Variants in FSIP1 observed in about 807,000 individuals in gnomAD.
FSIP1 encodes fibrous sheath interacting protein 1.
Under a neutral mutation model 60.9 loss-of-function variants are expected in FSIP1, and 65 were observed. The ratio of observed to expected loss-of-function variants is 1.07; its 90% CI spans 0.87 to 1.31. The LOEUF (loss-of-function observed/expected upper bound fraction) is 1.31. Among genes scored for constraint, FSIP1 ranks in the 40% most tolerant of loss-of-function variants. FSIP1 has a pLI of 0.00. For synonymous variants in FSIP1, 209 were observed against 221.2 expected, an observed-to-expected ratio of 0.94 and a Z score of 0.49; for missense variants, 675 against 665.5, an observed-to-expected ratio of 1.01 and a Z score of -0.16.
intron 5 of FSIP1, among the ~76,000 whole-genome samples, chr15:39,742,909 T>C (rs1319708010): frequency 6.6e-6 from 1 of 152,204 alleles, no homozygotes; most frequent in East Asian, 1.9e-4. Context: ...GGTGTAAGCC[T>C]GGGGAGAGAG....
intron 4 of FSIP1, 137 bp downstream of exon 4, chr15:39,765,455 G>T: frequency 1.8e-6 from 1 of 551,454 alleles, no homozygotes; most frequent in Non-Finnish European, 3.1e-6. Context: ...TGTTGTCCAG[G>T]CTGGTCTCAA....
intron 5 of FSIP1, among the ~76,000 whole-genome samples, chr15:39,745,774 T>C (rs1013738145): frequency 6.6e-6 from 1 of 152,178 alleles, no homozygotes; most frequent in Non-Finnish European, 1.5e-5. Context: ...GGAATCCATT[T>C]TTTTTTCATC....
chr15:39,619,129 A>T (rs1203891739), intron 10 of FSIP1, among the ~76,000 whole-genome samples: 1 of 152,194 alleles, frequency 6.6e-6, no homozygotes, highest in Non-Finnish European at 1.5e-5. Flanking sequence ...AAATAATGTT[A>T]TTGGCCTACT....
chr15:39,687,881 A>G (rs1191276321), intron 10 of FSIP1, among the ~76,000 whole-genome samples: 2 of 152,218 alleles, frequency 1.3e-5, no homozygotes, highest in Non-Finnish European at 2.9e-5. Context: ...CATCTATATG[A>G]GCATTTTTCC....
intron 10 of FSIP1, among the ~76,000 whole-genome samples, chr15:39,712,584 G>A (rs915766342): frequency 6.6e-6 from 1 of 152,134 alleles, no homozygotes; most frequent in African/African-American, 2.4e-5. Context: ...AATTTAGTAG[G>A]AGACCAAAAG....
At chr15:39,611,577 G>C (rs1415722455) in intron 11 of FSIP1, among the ~76,000 whole-genome samples, 1 of 152,198 alleles carries the variant, frequency 6.6e-6, no homozygotes, top group Admixed American at 6.5e-5. Flanking sequence ...ACAAAGGAAA[G>C]TAGCAAGAGA....
chr15:39,705,709 A>G lies in FSIP1; in HGVS notation c.1188+7735T>C, dbSNP rs115615144. Among the ~76,000 whole-genome samples, 1,193 of 150,132 alleles carry G rather than the reference A, an allele frequency of 7.9e-3. 19 individuals are homozygous for G. Among genetic ancestry groups the G allele is most frequent in the African/African-American group, 0.028 (1,148 of 41,444 alleles). On this transcript the variant is annotated intron_variant, in intron 10 of 11. Transcript: ENST00000350221. ...TATCATATATTTTCAATTAAAAGTC[A>G]TATATTAATCAGGTGCAGTGGCTCA... is the stretch of plus-strand genomic sequence containing the variant.
At chr15:39,656,429 G>T (rs1178258591) in intron 10 of FSIP1, among the ~76,000 whole-genome samples, 1 of 152,090 alleles carries the variant, frequency 6.6e-6, no homozygotes, top group Non-Finnish European at 1.5e-5. Flanking sequence ...CCTCTTTCTG[G>T]CTTTTCGACA....
At chr15:39,677,133 T>C (rs1893975794) in intron 10 of FSIP1, among the ~76,000 whole-genome samples, 4 of 152,196 alleles carry the variant, frequency 2.6e-5, no homozygotes, top group African/African-American at 9.7e-5. Flanking sequence ...GATATCGAAA[T>C]GAATTAGGTT....
rs575921876 is a variant in FSIP1 at position 39,781,795 on chromosome 15, T to C, written c.-8+833A>G. Among the ~76,000 whole-genome samples the C allele has an allele frequency of 3.3e-5, 5 of 152,354 alleles. No individual in the cohort carries two copies. The East Asian group carries it at 9.6e-4, about 29-fold the overall frequency. ...ACAGGAACAAAAAACTAGGAAGTTGTTGCCAGGGATGGCGTTAGGGGAGGG... is the reference window on the plus strand; with the variant it reads ...ACAGGAACAAAAAACTAGGAAGTTGCTGCCAGGGATGGCGTTAGGGGAGGG... On this transcript the variant is annotated intron_variant, in intron 1 of 11. Transcript: ENST00000350221.
At chr15:39,672,392 G>A (rs1358478592) in intron 10 of FSIP1, among the ~76,000 whole-genome samples, 1 of 152,214 alleles carries the variant, frequency 6.6e-6, no homozygotes, top group Non-Finnish European at 1.5e-5. Flanking sequence ...GGGCTTGGCT[G>A]TGAGCAACAC....
At chr15:39,663,446 C>T (rs745606047) in intron 10 of FSIP1, among the ~76,000 whole-genome samples, 11 of 152,090 alleles carry the variant, frequency 7.2e-5, no homozygotes, top group Admixed American at 2.6e-4. Context: ...TTCAAATCTA[C>T]GGTAAATATA....
Position 39,763,885 on chromosome 15 carries a change from A to C in FSIP1, c.495T>G (p.Ser165Arg). 1 of 1,599,312 alleles carries C rather than the reference A, an allele frequency of 6.3e-7. No individual in the cohort carries two copies. Among genetic ancestry groups the C allele is most frequent in the Non-Finnish European group, 8.6e-7 (1 of 1,167,328 alleles). The change falls in exon 5 of 12, where the codon AGT becomes AGG. Residue 165 changes from serine (S) to arginine (R), a missense_variant. Coordinates refer to ENST00000350221, the MANE Select transcript of FSIP1 (RefSeq NM_152597.5). ...KSAKYSEAWQSKEEMENTKKF... is the reference protein window; with the variant it reads ...KSAKYSEAWQRKEEMENTKKF... ...TTTTTGTATTTTCCATCTCCTCTTT[A>C]CTTTGCCAAGCTTCACTATATTTTG... is the stretch of plus-strand genomic sequence containing the variant.
intron 10 of FSIP1, among the ~76,000 whole-genome samples, chr15:39,682,568 C>T (rs1490282729): frequency 6.6e-6 from 1 of 152,198 alleles, no homozygotes. Flanking sequence ...CTCCCTTTCA[C>T]AGGGATCTCT....
chr15:39,660,889 C>T (rs1344648862), intron 10 of FSIP1, among the ~76,000 whole-genome samples: 2 of 151,988 alleles, frequency 1.3e-5, no homozygotes, highest in African/African-American at 2.4e-5. Context: ...ATGGTGAAAC[C>T]CCATCTCTAC....
At chr15:39,781,524 T>C (rs911017418) in intron 1 of FSIP1, among the ~76,000 whole-genome samples, 3 of 152,220 alleles carry the variant, frequency 2.0e-5, no homozygotes, top group African/African-American at 7.2e-5. Context: ...TGAATATTTA[T>C]ACCAGCTTCA....
downstream of FSIP1, chr15:39,599,196 A>G (rs1890554444): frequency 6.6e-6 from 1 of 152,160 alleles, no homozygotes; most frequent in Non-Finnish European, 1.5e-5. Flanking sequence ...AACACTTTCT[A>G]TCTAAATCAG....
chr15:39,628,989 C>T lies in FSIP1; in HGVS notation c.1189-10744G>A, dbSNP rs11852689. On this transcript the variant is annotated intron_variant, in intron 10 of 11. Transcript: ENST00000350221. ...TCAATCAATGCTGGAACATCAATAGCAAATCTCAGCTTCCGTCTGGAAGCT... is the reference window on the plus strand; with the variant it reads ...TCAATCAATGCTGGAACATCAATAGTAAATCTCAGCTTCCGTCTGGAAGCT... Among the ~76,000 whole-genome samples, 1,251 of 152,328 alleles carry T rather than the reference C, an allele frequency of 8.2e-3. 9 individuals carry two copies. Among genetic ancestry groups the T allele is most frequent in the Non-Finnish European group, 0.014 (924 of 68,020 alleles).
At chr15:39,696,673 T>C (rs1182901063) in intron 10 of FSIP1, among the ~76,000 whole-genome samples, 2 of 152,122 alleles carry the variant, frequency 1.3e-5, no homozygotes, top group African/African-American at 4.8e-5. Context: ...TGGACATTAC[T>C]AGAAATGAAC....
Sources: allele counts gnomAD v4.1 joint callset (sites outside exome capture counted in the v4.1 genomes callset), GRCh38; gene constraint gnomAD v4.1.1; transcripts MANE v1.5; gene names NCBI Gene and HGNC (gene_info 2026-07-23, HGNC 2026-07-21).